Variants in TBCD observed in about 807,000 individuals in gnomAD.
TBCD encodes the protein tubulin-specific chaperone D.
A neutral mutation model predicts 169.3 loss-of-function variants in TBCD; 105 were observed. That is an observed-to-expected ratio of 0.62 (90% CI 0.53 to 0.73). The LOEUF is 0.73. TBCD is among the 30% of genes least tolerant of loss of function. The pLI, the probability that TBCD is intolerant of heterozygous loss-of-function variation, is 0.00. For missense variants in TBCD, 1,444 were observed against 1,600.1 expected, an observed-to-expected ratio of 0.90 and a Z score of 1.66; for synonymous variants, 700 against 643.9, an observed-to-expected ratio of 1.09 and a Z score of -1.32.
intron 9 of TBCD, among the ~76,000 whole-genome samples, chr17:82,804,534 G>A (rs1343905656): frequency 6.6e-6 from 1 of 152,236 alleles, no homozygotes; most frequent in Non-Finnish European, 1.5e-5. Context: ...CTCAAGGCCT[G>A]CATTGCTGGG....
intron 11 of TBCD, among the ~76,000 whole-genome samples, chr17:82,808,573 C>A (rs1213284893): frequency 1.0e-5 from 1 of 95,356 alleles, no homozygotes; most frequent in African/African-American, 4.3e-5. Flanking sequence ...GGCGGGTTGG[C>A]CCCTGCTGTG....
intron 17 of TBCD, chr17:82,896,060 A>AG (rs1484394815): frequency 6.6e-6 from 1 of 152,264 alleles, no homozygotes; most frequent in Non-Finnish European, 1.5e-5. Flanking sequence ...GAAAAGGCCC[A>AG]GGTTTCCCCT....
chr17:82,868,928 C>T (rs900312548), intron 13 of TBCD, among the ~76,000 whole-genome samples: 10 of 149,396 alleles, frequency 6.7e-5, no homozygotes, highest in Non-Finnish European at 8.9e-5. Flanking sequence ...GAGCCCCGAA[C>T]GAGACCCTGG....
At chr17:82,883,322 A>C (rs4986126) in intron 14 of TBCD, among the ~76,000 whole-genome samples, 17,040 of 152,276 alleles carry the variant, frequency 0.11, 1,208 homozygotes, top group East Asian at 0.17. Context: ...TAGGAGGCGC[A>C]ATCTCTCAAG....
intron 13 of TBCD, among the ~76,000 whole-genome samples, chr17:82,818,845 T>G (rs680763): frequency 0.52 from 79,110 of 151,942 alleles, 20,889 homozygotes; most frequent in South Asian, 0.65. Flanking sequence ...GGCGGGGGGA[T>G]CACCTGAGGC....
intron 17 of TBCD, 43 bp from the exon 18 acceptor site, chr17:82,900,608 C>T (rs372144454): frequency 1.0e-5 from 16 of 1,525,904 alleles, no homozygotes; most frequent in African/African-American, 1.4e-5. Context: ...AGTGAGTTCT[C>T]GTTCTTCCGC....
chr17:82,926,404 T>C lies in TBCD; in HGVS notation c.2384T>C (p.Leu795Pro). Residue 795 changes from leucine to proline, a missense_variant, in exon 28 of 39, where the codon CTC becomes CCC. Transcript: ENST00000355528. ...TGATTCTTTATTGCTTTCCAGGTTC[T>C]CACAGGTTTAAGAGCAGTTACCCAC... ...FLLKGRLQQV[L>P]TGLRAVTHTS... The C allele has an allele frequency of 5.0e-6, 8 of 1,613,922 alleles. No homozygotes were observed. The highest frequency in any genetic ancestry group is 1.1e-5 in the South Asian group (1 of 91,082).
intron 9 of TBCD, among the ~76,000 whole-genome samples, chr17:82,801,565 C>T (rs1339609778): frequency 5.9e-5 from 8 of 134,852 alleles, no homozygotes; most frequent in Non-Finnish European, 9.3e-5. Flanking sequence ...AGGAGGCTGG[C>T]GTGTGCGTCG....
At chr17:82,919,812 G>C (rs2061305527) in intron 23 of TBCD, among the ~76,000 whole-genome samples, 1 of 152,184 alleles carries the variant, frequency 6.6e-6, no homozygotes, top group South Asian at 2.1e-4. Context: ...TCCCTGTCCT[G>C]TGTGCAGGGA....
intron 2 of TBCD, among the ~76,000 whole-genome samples, chr17:82,756,458 C>T (rs910429455): frequency 6.6e-6 from 1 of 152,118 alleles, no homozygotes; most frequent in Non-Finnish European, 1.5e-5. Context: ...GAAACAACAT[C>T]TGCTCCTCAT....
intron 23 of TBCD, chr17:82,918,656 G>A (rs949695046): frequency 6.6e-6 from 1 of 152,126 alleles, no homozygotes; most frequent in South Asian, 2.1e-4. Context: ...GTGCCGTTTC[G>A]TGAGAGGCTG....
chr17:82,916,821 A>G (rs2061068660), intron 23 of TBCD, among the ~76,000 whole-genome samples: 1 of 151,640 alleles, frequency 6.6e-6, no homozygotes, highest in African/African-American at 2.4e-5. Flanking sequence ...CATAATCTGT[A>G]TTTTCTGTCG....
intron 13 of TBCD, among the ~76,000 whole-genome samples, chr17:82,824,144 A>G (rs953828236): frequency 3.9e-5 from 6 of 152,028 alleles, no homozygotes; most frequent in African/African-American, 1.2e-4. Flanking sequence ...ATTTCATTGT[A>G]TGGACATACC....
chr17:82,833,423 C>T lies in TBCD; in HGVS notation c.1318+18489C>T, dbSNP rs533018563. Among the ~76,000 whole-genome samples, 1 of 152,218 alleles carries T rather than the reference C, an allele frequency of 6.6e-6. No homozygotes were observed. The highest frequency in any genetic ancestry group is 2.4e-5 in the African/African-American group (1 of 41,456). Reference sequence around the variant, plus strand: ...ATGAAGAACATTCGAACACAAGACTCTACCCTACTGCTTCTAAAGTCAGCT... The same window carrying T: ...ATGAAGAACATTCGAACACAAGACTTTACCCTACTGCTTCTAAAGTCAGCT... On this transcript the variant is annotated intron_variant, in intron 13 of 38. Coordinates refer to ENST00000355528, the MANE Select transcript of TBCD (RefSeq NM_005993.5). The surrounding 1 kb of genome is among the most constrained non-coding windows in gnomAD (Gnocchi z 4.7).
At chr17:82,928,217 G>A (rs937132604) in intron 30 of TBCD, among the ~76,000 whole-genome samples, 1 of 152,180 alleles carries the variant, frequency 6.6e-6, no homozygotes, top group Non-Finnish European at 1.5e-5. Context: ...GTGCCCCCAG[G>A]ACGAGGCTCT....
chr17:82,781,619 C>T lies in TBCD; in HGVS notation c.669C>T (p.Ser223=). ...RFITRPDVKQ[S]KMAEFLDWSL... ...TCACACGTCCTGATGTCAAGCAAAGCAAGATGGCTGAGTTCCTGGACTGGA... is the reference window on the plus strand; with the variant it reads ...TCACACGTCCTGATGTCAAGCAAAGTAAGATGGCTGAGTTCCTGGACTGGA... The change falls in exon 7 of 39, where the codon AGC becomes AGT. Residue 223 remains serine (S), a synonymous_variant. Coordinates refer to ENST00000355528, the MANE Select transcript of TBCD (RefSeq NM_005993.5). 1 of 1,613,842 alleles carries T rather than the reference C, an allele frequency of 6.2e-7. No homozygotes were observed. The highest frequency in any genetic ancestry group is 8.5e-7 in the Non-Finnish European group (1 of 1,179,870).
At chr17:82,856,405 A>G (rs1278313466) in intron 13 of TBCD, among the ~76,000 whole-genome samples, 4 of 151,692 alleles carry the variant, frequency 2.6e-5, no homozygotes, top group East Asian at 2.0e-4. Context: ...CGAGGAGTTC[A>G]AGACCAACCT....
intron 13 of TBCD, among the ~76,000 whole-genome samples, chr17:82,816,105 C>G (rs978079945): frequency 6.6e-6 from 1 of 152,196 alleles, no homozygotes; most frequent in African/African-American, 2.4e-5. Flanking sequence ...TCTCCAGTGT[C>G]TCTGTGAATT....
intron 13 of TBCD, among the ~76,000 whole-genome samples, chr17:82,828,751 G>GCA (rs34655768): frequency 2.0e-5 from 3 of 150,308 alleles, no homozygotes; most frequent in Admixed American, 6.6e-5. Flanking sequence ...ACCCAGAGAT[G>GCA]CACACACACA....
Sources: allele counts gnomAD v4.1 joint callset (sites outside exome capture counted in the v4.1 genomes callset), GRCh38; gene constraint gnomAD v4.1.1; non-coding constraint Gnocchi (gnomAD v3.1); transcripts MANE v1.5; gene names NCBI Gene and HGNC (gene_info 2026-07-23, HGNC 2026-07-21).